The following ULK2 variants were observed in gnomAD, a reference collection of about 807,000 sequenced individuals.
The protein encoded by ULK2 is unc-51 like autophagy activating kinase 2, also known as serine/threonine-protein kinase ULK2.
Under a neutral mutation model 127.5 loss-of-function variants are expected in ULK2, and 76 were observed. That is an observed-to-expected ratio of 0.60 (90% CI 0.50 to 0.72). The LOEUF (loss-of-function observed/expected upper bound fraction) is 0.72. Ranked by LOEUF, ULK2 falls within the 30% of genes least tolerant of loss-of-function variation. The pLI is 0.00. For missense variants in ULK2, 1,144 were observed against 1,295.9 expected (o/e 0.88, Z 1.80); for synonymous variants, 452 against 461.9 (o/e 0.98, Z 0.28).
intron 10 of ULK2, among the ~76,000 whole-genome samples, chr17:19,829,472 G>A (rs1441307051): frequency 1.2e-4 from 17 of 144,076 alleles, no homozygotes; most frequent in Admixed American, 1.0e-3. Flanking sequence ...AGGAGGCAGA[G>A]GTTTCAGTGA....
intron 15 of ULK2, among the ~76,000 whole-genome samples, chr17:19,804,468 T>A (rs2087469246): frequency 6.6e-6 from 1 of 151,722 alleles, no homozygotes; most frequent in South Asian, 2.1e-4. Flanking sequence ...ACTTAACATA[T>A]ATAAAATATA....
At chr17:19,783,327 T>G (rs1024660629) in intron 22 of ULK2, among the ~76,000 whole-genome samples, 1 of 151,984 alleles carries the variant, frequency 6.6e-6, no homozygotes, top group Non-Finnish European at 1.5e-5. Flanking sequence ...GGCGTGTGCC[T>G]GTAATCCCAG....
intron 17 of ULK2, 57 bp from the exon 18 acceptor site, chr17:19,797,739 G>T: frequency 1.5e-6 from 2 of 1,361,316 alleles, no homozygotes; most frequent in South Asian, 4.2e-5. Flanking sequence ...GTGCAAAAAT[G>T]TAAAAATTAA....
Position 19,815,436 on chromosome 17 carries a change from C to A in ULK2, c.1096+1313G>T, listed in dbSNP as rs561718332. Among the ~76,000 whole-genome samples the A allele has an allele frequency of 2.0e-5, 3 of 152,036 alleles. No individual in the cohort carries two copies. In the South Asian group the frequency reaches 6.2e-4, roughly 32 times the overall value. On this transcript the variant is annotated intron_variant, in intron 13 of 26. Coordinates refer to ENST00000395544, the MANE Select transcript of ULK2 (RefSeq NM_014683.4). ...TAGCTGGGATTACAGGTGCGCGCCA[C>A]CATACCTGGCTAATTTTTGTATTTT... is the stretch of plus-strand genomic sequence containing the variant.
At chr17:19,841,634 A>T in intron 8 of ULK2, 87 bp from the exon 9 acceptor site, 2 of 1,051,562 alleles carry the variant, frequency 1.9e-6, no homozygotes, top group Middle Eastern at 2.1e-4. Context: ...CTTTTTTTTT[A>T]AGGGATTGAG....
chr17:19,840,190 A>C, intron 9 of ULK2: 2 of 490,686 alleles, frequency 4.1e-6, no homozygotes, highest in South Asian at 1.5e-5. Context: ...AACCCAGCCG[A>C]ATACAACATA....
chr17:19,822,599 C>T (rs2041179860), intron 12 of ULK2, among the ~76,000 whole-genome samples: 1 of 151,962 alleles, frequency 6.6e-6, no homozygotes, highest in Admixed American at 6.6e-5. Context: ...AACTCCTGAC[C>T]TCAAGTGGTC....
At position 19,829,838 on chromosome 17, in the gene ULK2, CA is replaced by C. The variant is rs60131689; in HGVS notation, c.788-3653del. ...TGGGTGACAGAGCGAGACTCCATTT[CA>C]AAAAAAAAAAAAAAAAAGGTATTAA... On this transcript the variant is annotated intron_variant, in intron 10 of 26. Transcript: ENST00000395544. Among the ~76,000 whole-genome samples, 173 of 120,612 alleles carry C rather than the reference CA, an allele frequency of 1.4e-3. 1 individual carries two copies. The highest frequency in any genetic ancestry group is 5.4e-3 in the African/African-American group (155 of 28,620). 79.1% of individuals were successfully genotyped at this position (120,612 alleles called of 152,430 possible).
rs1211929675 is a variant in ULK2, at chr17:19,781,945, GT to G, written c.2582del (p.Tyr861SerfsTer15). 6.2e-7 allele frequency: 1 copy of G among 1,614,166 alleles called. No individual in the cohort carries two copies. Among genetic ancestry groups the G allele is most frequent in the Admixed American group, 1.7e-5 (1 of 60,014 alleles). On this transcript the variant is annotated frameshift_variant, in exon 23 of 27. Coordinates refer to ENST00000395544, the MANE Select transcript of ULK2 (RefSeq NM_014683.4). LOFTEE classifies it high-confidence loss of function. Reference protein sequence around the residue: ...PELCTSAVSLYQIQESVVVDQ... With the variant: ...PELCTSAVSLXQIQESVVVDQ... Reference sequence around the variant, plus strand: ...CCACCACCACACTCTCCTGGATCTGGTACAAGGACACAGCAGATGTGCACAG... The same window carrying G: ...CCACCACCACACTCTCCTGGATCTGGACAAGGACACAGCAGATGTGCACAG...
chr17:19,841,933 A>C (rs1484381083), intron 8 of ULK2, among the ~76,000 whole-genome samples: 1 of 152,156 alleles, frequency 6.6e-6, no homozygotes, highest in East Asian at 1.9e-4. Flanking sequence ...CTTAGAATAG[A>C]TTAAGGACCA....
In ULK2 at chr17:19,843,588, AGAG is replaced by A. The variant is rs938299150; in HGVS notation, c.544-369_544-367del. On this transcript the variant is annotated intron_variant, in intron 7 of 26. Coordinates refer to ENST00000395544, the MANE Select transcript of ULK2 (RefSeq NM_014683.4). ...GGACAGAGGTTCCCTCAGGTGTGTG[AGAG>A]GAGCAGAGGAGGAAATGCAATCAGG... 1.1e-4 allele frequency among the ~76,000 whole-genome samples: 16 copies of A among 152,136 alleles called. 1 individual carries two copies. Among genetic ancestry groups the A allele is most frequent in the African/African-American group, 3.6e-4 (15 of 41,540 alleles).
At chr17:19,851,878 T>C (rs1294149174) in intron 3 of ULK2, among the ~76,000 whole-genome samples, 1 of 151,322 alleles carries the variant, frequency 6.6e-6, no homozygotes, top group East Asian at 2.0e-4. Context: ...AAACCCCACC[T>C]CCACTAGAAA....
At chr17:19,803,749 G>A (rs754374923) in intron 15 of ULK2, among the ~76,000 whole-genome samples, 3 of 152,134 alleles carry the variant, frequency 2.0e-5, no homozygotes, top group Non-Finnish European at 2.9e-5. Flanking sequence ...TGGCCACTTG[G>A]CTTATTTTTC....
At chr17:19,790,076 A>G (rs1441153727) in intron 20 of ULK2, among the ~76,000 whole-genome samples, 1 of 152,168 alleles carries the variant, frequency 6.6e-6, no homozygotes, top group African/African-American at 2.4e-5. Flanking sequence ...GAGTATTTTT[A>G]GTTTTCTTAT....
At chr17:19,828,805 A>T (rs2041358530) in intron 10 of ULK2, among the ~76,000 whole-genome samples, 1 of 152,246 alleles carries the variant, frequency 6.6e-6, no homozygotes, top group Non-Finnish European at 1.5e-5. Flanking sequence ...TATAATCTGT[A>T]AACAGAACAG....
chr17:19,776,439 A>G, intron 26 of ULK2, 32 bp from the exon 27 acceptor site: 1 of 1,539,090 alleles, frequency 6.5e-7, no homozygotes, highest in Middle Eastern at 1.8e-4. Flanking sequence ...TGAAGAACTA[A>G]TGAAAAAAAT....
chr17:19,815,458 T>C (rs1358118172), intron 13 of ULK2, among the ~76,000 whole-genome samples: 2 of 152,300 alleles, frequency 1.3e-5, no homozygotes, highest in East Asian at 3.9e-4. Context: ...AATTTTTGTA[T>C]TTTTAGTAGA....
chr17:19,798,328 G>A lies in ULK2; in HGVS notation c.1523-646C>T, dbSNP rs143756103. Among the ~76,000 whole-genome samples the A allele has an allele frequency of 1.9e-4, 29 of 152,288 alleles. No homozygotes were observed. In the South Asian group the frequency reaches 6.0e-3, roughly 32 times the overall value. ...CTCACAAAGATAACACTTGCCTGCA[G>A]ATATCCTTGCCTCTTCAGGGGACAC... is the stretch of plus-strand genomic sequence containing the variant. On this transcript the variant is annotated intron_variant, in intron 17 of 26. Coordinates refer to ENST00000395544, the MANE Select transcript of ULK2 (RefSeq NM_014683.4).
Position 19,805,796 on chromosome 17 carries a change from C to T in ULK2, c.1158-966G>A, listed in dbSNP as rs79287963. Among the ~76,000 whole-genome samples the T allele has an allele frequency of 4.8e-3, 726 of 152,194 alleles. 24 individuals are homozygous for T. In the East Asian group the frequency reaches 0.088, roughly 18 times the overall value. Reference sequence around the variant, plus strand: ...AAAAAGGCCAAAAGACCTGAAGACACGTAACTTCCTTGAGCCACAGAAACT... The same window carrying T: ...AAAAAGGCCAAAAGACCTGAAGACATGTAACTTCCTTGAGCCACAGAAACT... On this transcript the variant is annotated intron_variant, in intron 14 of 26. Coordinates refer to ENST00000395544, the MANE Select transcript of ULK2 (RefSeq NM_014683.4).
Sources: gnomAD v4.1 joint callset for allele counts (sites outside exome capture counted in the v4.1 genomes callset) on GRCh38, gnomAD v4.1.1 for gene constraint, MANE v1.5 for transcripts, NCBI Gene and HGNC (gene_info 2026-07-23, HGNC 2026-07-21) for gene names.